SLC4A4: variants seen among roughly 807,000 people sequenced by gnomAD.
SLC4A4 encodes the protein electrogenic sodium bicarbonate cotransporter 1.
SLC4A4 carries 27 observed loss-of-function variants against 111.5 expected under a neutral mutation model. The ratio of observed to expected loss-of-function variants is 0.24; its 90% CI spans 0.18 to 0.33. The LOEUF is 0.33. SLC4A4 is among the 10% of genes least tolerant of loss of function. SLC4A4 has a pLI of 1.00. For missense variants in SLC4A4, 909 were observed against 1,315.5 expected, an observed-to-expected ratio of 0.69 and a Z score of 4.78; for synonymous variants, 443 against 463.4, an observed-to-expected ratio of 0.96 and a Z score of 0.57.
chr4:71,400,986 C>A (rs538568062), intron 7 of SLC4A4, among the ~76,000 whole-genome samples: 9 of 152,208 alleles, frequency 5.9e-5, no homozygotes, highest in African/African-American at 1.9e-4. Context: ...TCCAAGTTGG[C>A]CCCAAAAACT....
Position 71,546,483 on chromosome 4 carries a change from C to G in SLC4A4, c.2576C>G (p.Thr859Arg). 1 of 1,612,674 alleles carries G rather than the reference C, an allele frequency of 6.2e-7. No individual in the cohort carries two copies. The change falls in exon 19 of 26, where the codon ACA becomes AGA. Residue 859 changes from threonine (T) to arginine (R), a missense_variant. Around this residue, in one of 7 missense-constraint regions of SLC4A4, gnomAD observed 104 missense variants for 219.5 expected, o/e 0.47. Coordinates refer to ENST00000264485, the MANE Select transcript of SLC4A4 (RefSeq NM_001098484.3). Reference sequence around the variant, plus strand: ...CACATCGACAGTTTGAAGATGGAGACAGAGACTTCTGCACCTGGAGAACAA... The same window carrying G: ...CACATCGACAGTTTGAAGATGGAGAGAGAGACTTCTGCACCTGGAGAACAA... ...IAHIDSLKME[T>R]ETSAPGEQPK...
chr4:71,416,345 C>A (rs976498125), intron 7 of SLC4A4, among the ~76,000 whole-genome samples: 1 of 152,130 alleles, frequency 6.6e-6, no homozygotes, highest in Non-Finnish European at 1.5e-5. Flanking sequence ...GTTTAGTTTA[C>A]AAATCAGGAA....
chr4:71,397,062 G>A lies in SLC4A4; in HGVS notation c.731-515G>A, dbSNP rs546069150. On this transcript the variant is annotated intron_variant, in intron 6 of 25. Transcript: ENST00000264485. ...TTGATCCAAGTGTTAGCCAGAGAAG[G>A]GAACACTTTGACCAAGACTTTTCAG... 4.6e-5 allele frequency among the ~76,000 whole-genome samples: 7 copies of A among 152,256 alleles called. No homozygotes were observed. The South Asian group carries it at 1.5e-3, about 32-fold the overall frequency.
chr4:71,098,036 A>C (rs113735685), intron 2 of SLC4A4, among the ~76,000 whole-genome samples: 4,067 of 152,194 alleles, frequency 0.027, 175 homozygotes, highest in African/African-American at 0.083. Context: ...TAATTGGATC[A>C]CATTTGTCAA....
chr4:71,386,879 A>G (rs1718781552), intron 6 of SLC4A4, among the ~76,000 whole-genome samples: 1 of 152,172 alleles, frequency 6.6e-6, no homozygotes, highest in Non-Finnish European at 1.5e-5. Flanking sequence ...TGTACTTAAA[A>G]AAGAATATTT....
chr4:71,497,436 G>A lies in SLC4A4; in HGVS notation c.1975-65G>A, dbSNP rs952267296. Reference sequence around the variant, plus strand: ...TGGTATAATTCCTATAGCTCATCAAGTATCAAAGGCTGCTTTTTATATGTC... The same window carrying A: ...TGGTATAATTCCTATAGCTCATCAAATATCAAAGGCTGCTTTTTATATGTC... On this transcript the variant is annotated intron_variant, in intron 15 of 25. Coordinates refer to ENST00000264485, the MANE Select transcript of SLC4A4 (RefSeq NM_001098484.3). The A allele has an allele frequency of 1.7e-5, 23 of 1,324,426 alleles. No homozygotes were observed. In the East Asian group the frequency reaches 4.8e-4, roughly 28 times the overall value. The allele number at this position is 1,324,426 out of a possible 1,614,324, so 82.0% of individuals were successfully genotyped here.
At chr4:71,371,216 G>C (rs1578942680) in intron 6 of SLC4A4, among the ~76,000 whole-genome samples, 1 of 136,382 alleles carries the variant, frequency 7.3e-6, no homozygotes, top group South Asian at 2.4e-4. Flanking sequence ...CCATGTTTTT[G>C]TTGATAAACT....
chr4:71,170,576 T>C (rs1315713557), intron 2 of SLC4A4, among the ~76,000 whole-genome samples: 1 of 152,224 alleles, frequency 6.6e-6, no homozygotes, highest in Non-Finnish European at 1.5e-5. Context: ...ATTAACTTCA[T>C]TTATTAATTG....
At chr4:71,133,108 T>A (rs1743751556) in intron 2 of SLC4A4, among the ~76,000 whole-genome samples, 1 of 152,214 alleles carries the variant, frequency 6.6e-6, no homozygotes, top group Non-Finnish European at 1.5e-5. Flanking sequence ...GGAAAATTTT[T>A]ATTGTAATTT....
intron 3 of SLC4A4, among the ~76,000 whole-genome samples, chr4:71,316,914 A>G (rs776267989): frequency 7.2e-5 from 11 of 152,052 alleles, no homozygotes; most frequent in Non-Finnish European, 2.9e-5. Flanking sequence ...AAGAGATAGA[A>G]TCTTGCTGTA....
chr4:71,388,351 A>G (rs1373820448), intron 6 of SLC4A4, among the ~76,000 whole-genome samples: 1 of 152,192 alleles, frequency 6.6e-6, no homozygotes, highest in Non-Finnish European at 1.5e-5. Context: ...CTATAATCAC[A>G]GGGACCACAG....
At chr4:71,107,561 G>C (rs938004461) in intron 2 of SLC4A4, among the ~76,000 whole-genome samples, 1 of 152,016 alleles carries the variant, frequency 6.6e-6, no homozygotes, top group Non-Finnish European at 1.5e-5. Context: ...TGTTGGCCAG[G>C]CTGGTCTCAA....
intron 2 of SLC4A4, among the ~76,000 whole-genome samples, chr4:71,130,733 C>T (rs1278081271): frequency 1.3e-5 from 2 of 152,268 alleles, no homozygotes; most frequent in Non-Finnish European, 2.9e-5. Context: ...TGCAGCTTCT[C>T]AAAGGCAAAC....
intron 2 of SLC4A4, among the ~76,000 whole-genome samples, chr4:71,176,188 T>C (rs1473283149): frequency 6.6e-6 from 1 of 151,950 alleles, no homozygotes. Context: ...TACGTCACCA[T>C]CATCAAAGAC....
At chr4:71,414,413 G>T in intron 7 of SLC4A4, among the ~76,000 whole-genome samples, 1 of 152,164 alleles carries the variant, frequency 6.6e-6, no homozygotes, top group Admixed American at 6.5e-5. Flanking sequence ...AATGGAAAGT[G>T]TTTTTTCCAG....
Position 71,571,339 on chromosome 4 carries a change from T to C in SLC4A4, c.*3588T>C, listed in dbSNP as rs1191561030. On this transcript the variant is annotated 3_prime_UTR_variant, in exon 26 of 26. Coordinates refer to ENST00000264485, the MANE Select transcript of SLC4A4 (RefSeq NM_001098484.3). ...ATTTATATTTCATGATATTTCACAT[T>C]TGCTCTTCACAGCATGAGCATGAAG... 1.3e-5 allele frequency: 2 copies of C among 152,230 alleles called. No individual in the cohort carries two copies. Among genetic ancestry groups the C allele is most frequent in the South Asian group, 2.1e-4 (1 of 4,836 alleles). The allele number at this position is 152,230 out of a possible 1,614,324, so 9.4% of individuals were successfully genotyped here.
intron 1 of SLC4A4, among the ~76,000 whole-genome samples, chr4:71,064,700 T>A (rs1191086984): frequency 6.6e-6 from 1 of 152,150 alleles, no homozygotes; most frequent in African/African-American, 2.4e-5. Flanking sequence ...ATTTCAGGAC[T>A]GGTCACGTAT....
chr4:71,301,637 TAGTC>T (rs1329595137), intron 3 of SLC4A4, among the ~76,000 whole-genome samples: 3 of 152,208 alleles, frequency 2.0e-5, no homozygotes, highest in African/African-American at 7.2e-5. Flanking sequence ...TGACTGCAAA[TAGTC>T]AGTCTTTCAA....
At chr4:71,077,119 G>A (rs1741854679) in intron 1 of SLC4A4, among the ~76,000 whole-genome samples, 1 of 148,412 alleles carries the variant, frequency 6.7e-6, no homozygotes, top group Non-Finnish European at 1.5e-5. Flanking sequence ...AGGAGGTTAT[G>A]TTTGAAGTTG....
Sources: gnomAD v4.1 joint callset for allele counts (sites outside exome capture counted in the v4.1 genomes callset) on GRCh38, gnomAD v4.1.1 for gene constraint, gnomAD v4.1.1 regional missense constraint, MANE v1.5 for transcripts, NCBI Gene and HGNC (gene_info 2026-07-23, HGNC 2026-07-21) for gene names.